SYNDIG1L: variants seen among roughly 807,000 people sequenced by gnomAD.
SYNDIG1L encodes the protein synapse differentiation inducing 1 like.
Under a neutral mutation model 20.1 loss-of-function variants are expected in SYNDIG1L, and 13 were observed. That is an observed-to-expected ratio of 0.65 (90% confidence interval 0.42 to 1.03). The LOEUF (loss-of-function observed/expected upper bound fraction) is 1.03. SYNDIG1L is among the 50% of genes least tolerant of loss of function. SYNDIG1L has a pLI of 0.00. For missense variants in SYNDIG1L, 294 were observed against 305.1 expected (o/e 0.96, Z 0.27); for synonymous variants, 128 against 129.3 (o/e 0.99, Z 0.07).
chr14:74,411,085 C>T (rs2086127256), intron 1 of SYNDIG1L, among the ~76,000 whole-genome samples: 1 of 152,194 alleles, frequency 6.6e-6, no homozygotes, highest in Non-Finnish European at 1.5e-5. Context: ...GGACCTCCTG[C>T]TGTCCCCCTC....
chr14:74,476,581 G>C, the SYNDIG1L span: 1 of 1,535,452 alleles, frequency 6.5e-7, no homozygotes. Context: ...CAGAGAACAG[G>C]CATGGGAACA....
At chr14:74,440,779 T>C in the SYNDIG1L span, among the ~76,000 whole-genome samples, 17 of 152,204 alleles carry the variant, frequency 1.1e-4, 1 homozygote, top group African/African-American at 3.9e-4. Flanking sequence ...ACGTGATAAA[T>C]GTACCAGGCA....
At chr14:74,458,251 T>C in the SYNDIG1L span, among the ~76,000 whole-genome samples, 1 of 152,128 alleles carries the variant, frequency 6.6e-6, no homozygotes, top group Non-Finnish European at 1.5e-5. Flanking sequence ...CTAGGCCCTT[T>C]CAAATATGAT....
the SYNDIG1L span, among the ~76,000 whole-genome samples, chr14:74,449,127 G>A: frequency 6.6e-5 from 10 of 151,762 alleles, no homozygotes; most frequent in South Asian, 6.3e-4. Context: ...CAGCTACTTC[G>A]GAGGCTGAAG....
At chr14:74,469,838 G>C in the SYNDIG1L span, among the ~76,000 whole-genome samples, 1 of 152,108 alleles carries the variant, frequency 6.6e-6, no homozygotes, top group African/African-American at 2.4e-5. Flanking sequence ...TCCAACCCTG[G>C]AATTTCTTTG....
chr14:74,467,649 T>G, the SYNDIG1L span, among the ~76,000 whole-genome samples: 1 of 152,134 alleles, frequency 6.6e-6, no homozygotes. Flanking sequence ...CAGCCAAATA[T>G]TTTTTCCAAT....
the SYNDIG1L span, among the ~76,000 whole-genome samples, chr14:74,444,225 A>G: frequency 6.6e-6 from 1 of 151,876 alleles, no homozygotes; most frequent in South Asian, 2.1e-4. Context: ...ACACCTGGCT[A>G]ATTTTTGTAC....
chr14:74,424,987 C>T (rs1157999874), intron 1 of SYNDIG1L, among the ~76,000 whole-genome samples: 1 of 152,050 alleles, frequency 6.6e-6, no homozygotes, highest in East Asian at 1.9e-4. Flanking sequence ...TCTTTCTACC[C>T]CTGGGGGTAG....
At chr14:74,469,005 C>T in the SYNDIG1L span, among the ~76,000 whole-genome samples, 1 of 152,146 alleles carries the variant, frequency 6.6e-6, no homozygotes, top group Non-Finnish European at 1.5e-5. Context: ...GTCTGTGCGT[C>T]CTGTCAAGGC....
At chr14:74,418,218 G>T (rs1001339626) in intron 1 of SYNDIG1L, among the ~76,000 whole-genome samples, 1 of 152,190 alleles carries the variant, frequency 6.6e-6, no homozygotes. Context: ...GGTGATAAGC[G>T]AAAGAGCCAC....
chr14:74,461,914 T>G, the SYNDIG1L span, among the ~76,000 whole-genome samples: 1 of 137,180 alleles, frequency 7.3e-6, no homozygotes, highest in Non-Finnish European at 1.6e-5. Flanking sequence ...AAACCCTATC[T>G]CAACAAAAAA....
the SYNDIG1L span, among the ~76,000 whole-genome samples, chr14:74,438,345 A>C: frequency 2.6e-5 from 4 of 152,224 alleles, no homozygotes; most frequent in African/African-American, 9.6e-5. Flanking sequence ...AGCTCACAGC[A>C]GTTCCAACTC....
the SYNDIG1L span, among the ~76,000 whole-genome samples, chr14:74,435,893 TTAGAGGCA>T: frequency 2.0e-5 from 3 of 152,200 alleles, no homozygotes; most frequent in Non-Finnish European, 4.4e-5. Context: ...ACAGCAAGTG[TTAGAGGCA>T]TAGAGTGAGT....
the SYNDIG1L span, among the ~76,000 whole-genome samples, chr14:74,439,088 T>G: frequency 2.2e-5 from 3 of 138,660 alleles, no homozygotes; most frequent in African/African-American, 5.4e-5. Context: ...CACTCTAGCT[T>G]GGGTGACAAG....
rs137953604 is a variant in SYNDIG1L at position 74,415,542 on chromosome 14, A to T, written c.-57-5741T>A. 2.1e-4 allele frequency among the ~76,000 whole-genome samples: 32 copies of T among 151,962 alleles called. No individual in the cohort carries two copies. The South Asian group carries it at 2.5e-3, about 12-fold the overall frequency. On this transcript the variant is annotated intron_variant, in intron 1 of 3. Coordinates refer to ENST00000331628, the MANE Select transcript of SYNDIG1L (RefSeq NM_001105579.2). ...ACTATGAGGAATATGAAATAATAAA[A>T]TTTTTTTCTTTTTTTTGAGACAGGG...
intron 1 of SYNDIG1L, among the ~76,000 whole-genome samples, chr14:74,423,049 GC>G (rs749753127): frequency 3.3e-5 from 5 of 151,750 alleles, no homozygotes; most frequent in Non-Finnish European, 7.4e-5. Flanking sequence ...TTTCTCAGCA[GC>G]CCCCCCGCCC....
At chr14:74,436,175 G>A in the SYNDIG1L span, among the ~76,000 whole-genome samples, 3 of 151,734 alleles carry the variant, frequency 2.0e-5, no homozygotes, top group Non-Finnish European at 4.4e-5. Context: ...GTTCTCCAGA[G>A]TACTCCCTTT....
chr14:74,434,104 G>A, the SYNDIG1L span, among the ~76,000 whole-genome samples: 2 of 152,142 alleles, frequency 1.3e-5, no homozygotes, highest in Non-Finnish European at 2.9e-5. Context: ...ATCTTAGGAG[G>A]AATTAAAACA....
the SYNDIG1L span, among the ~76,000 whole-genome samples, chr14:74,432,140 GGTGTGT>G: frequency 3.7e-3 from 446 of 121,074 alleles, 3 homozygotes; most frequent in African/African-American, 0.013. Context: ...TGCCTTGGAA[GGTGTGT>G]GTGTGTGTGT....
Sources: gnomAD v4.1 joint callset for allele counts (sites outside exome capture counted in the v4.1 genomes callset) on GRCh38, gnomAD v4.1.1 for gene constraint, MANE v1.5 for transcripts, NCBI Gene and HGNC (gene_info 2026-07-23, HGNC 2026-07-21) for gene names.